The following MACF1 variants were observed in gnomAD, a reference collection of about 807,000 sequenced individuals.
The protein encoded by MACF1 is microtubule actin crosslinking factor 1.
In MACF1, 193 loss-of-function variants were observed where a neutral mutation model predicts 854.8. The observed-to-expected ratio is 0.23, with a 90% CI of 0.20 to 0.25. The LOEUF (loss-of-function observed/expected upper bound fraction) is 0.25, where lower values mean the gene tolerates loss of function less well. Ranked by LOEUF, MACF1 falls within the 10% of genes least tolerant of loss-of-function variation. MACF1 has a pLI of 1.00. For synonymous variants in MACF1, 3,185 were observed against 3,226.7 expected, an observed-to-expected ratio of 0.99 and a Z score of 0.44; for missense variants, 7,722 against 8,929.1, an observed-to-expected ratio of 0.86 and a Z score of 5.45.
In MACF1 at chr1:39,309,518, TGTG is replaced by T. The variant is rs1364469047; in HGVS notation, c.2790-50_2790-48del. Reference sequence around the variant, plus strand: ...ACATTTTTCCTTAGAAGGTCTCTAATGTGGAGCTGAAGTCTTACAAAGGTAATA... The same window carrying T: ...ACATTTTTCCTTAGAAGGTCTCTAATGAGCTGAAGTCTTACAAAGGTAATA... On this transcript the variant is annotated intron_variant, in intron 23 of 100. Coordinates refer to ENST00000564288, the MANE Select transcript of MACF1 (RefSeq NM_001394062.1). The T allele has an allele frequency of 2.2e-5, 36 of 1,607,636 alleles. No individual in the cohort carries two copies. In the Admixed American group the frequency reaches 2.4e-4, roughly 11 times the overall value.
At chr1:39,287,756 C>T (rs1170769656) in intron 15 of MACF1, 194 bp downstream of exon 15, 1 of 627,206 alleles carries the variant, frequency 1.6e-6, no homozygotes, top group Admixed American at 2.9e-5. Flanking sequence ...ATCCTCCTGC[C>T]TCAGTCTCTT....
At chr1:39,459,061 A>T in intron 90 of MACF1, 25 bp from the exon 91 acceptor site, 1 of 1,599,678 alleles carries the variant, frequency 6.3e-7, no homozygotes, top group Non-Finnish European at 8.5e-7. Flanking sequence ...AGCTGTTCTA[A>T]TCTTGTGATT....
chr1:39,454,965 G>T lies in MACF1; in HGVS notation c.20943G>T (p.Leu6981=). 1.9e-6 allele frequency: 3 copies of T among 1,614,154 alleles called. No homozygotes were observed. The highest frequency in any genetic ancestry group is 1.7e-6 in the Non-Finnish European group (2 of 1,180,028). Residue 6981 remains leucine, a synonymous_variant, in exon 89 of 101, where the codon CTG becomes CTT. Transcript: ENST00000564288. ...QQRLETALSE[L]VANAELLEEL... is the part of the protein sequence containing the mutation. ...GTCTTGAAACGGCCTTGTCAGAACT[G>T]GTGGCTAATGCTGAGCTCCTGGAAG...
chr1:39,310,720 A>G, intron 25 of MACF1, 111 bp from the exon 26 acceptor site: 1 of 1,086,846 alleles, frequency 9.2e-7, no homozygotes, highest in South Asian at 1.7e-5. Flanking sequence ...AGGATCAGGT[A>G]GGATTAGGCA....
chr1:39,326,356 A>G (rs187081829), intron 35 of MACF1, among the ~76,000 whole-genome samples: 95 of 152,322 alleles, frequency 6.2e-4, no homozygotes, highest in African/African-American at 2.1e-3. Flanking sequence ...AGTGGGCTTT[A>G]ATTATATCTG....
In MACF1 at chr1:39,372,604, C is replaced by T. The variant is rs775754418; in HGVS notation, c.13213+8C>T. The stretch of plus-strand genomic sequence containing the variant: ...ATTCCCAAGGCAAGACAGGTGAGTA[C>T]AGGCTCTTCAAAATATAGTGAATAA... On this transcript the variant is annotated splice_region_variant and intron_variant, in intron 52 of 100. Transcript: ENST00000564288. The T allele has an allele frequency of 3.2e-6, 5 of 1,559,668 alleles. No individual in the cohort carries two copies. Among genetic ancestry groups the T allele is most frequent in the Non-Finnish European group, 4.4e-6 (5 of 1,131,442 alleles).
intron 15 of MACF1, among the ~76,000 whole-genome samples, chr1:39,288,457 C>T (rs537651188): frequency 6.6e-6 from 1 of 150,492 alleles, no homozygotes; most frequent in African/African-American, 2.4e-5. Flanking sequence ...GAGATTGTGC[C>T]ACTGCACTCC....
chr1:39,374,716 G>A (rs1022852922), intron 52 of MACF1, among the ~76,000 whole-genome samples: 3 of 152,118 alleles, frequency 2.0e-5, no homozygotes, highest in Non-Finnish European at 4.4e-5. Flanking sequence ...CTGATGAGCT[G>A]TAGTTTACTG....
intron 2 of MACF1, among the ~76,000 whole-genome samples, chr1:39,131,151 CTTTTT>C (rs34762038): frequency 2.4e-5 from 1 of 42,348 alleles, no homozygotes; most frequent in East Asian, 9.8e-4. Flanking sequence ...TGCGCCCGGC[CTTTTT>C]TTTTTTTTTT....
At chr1:39,309,531 T>C in intron 23 of MACF1, 39 bp from the exon 24 acceptor site, 3 of 1,611,994 alleles carry the variant, frequency 1.9e-6, no homozygotes, top group Non-Finnish European at 2.5e-6. Context: ...GGAGCTGAAG[T>C]CTTACAAAGG....
chr1:39,285,768 A>G lies in MACF1; in HGVS notation c.1508+10A>G. On this transcript the variant is annotated intron_variant, in intron 14 of 100. Coordinates refer to ENST00000564288, the MANE Select transcript of MACF1 (RefSeq NM_001394062.1). ...AAGAGCTGGCTTTTAGGTGAGGAAC[A>G]AGGGACTCAAATGGAGGGCTTGCTT... is the stretch of plus-strand genomic sequence containing the variant. The G allele has an allele frequency of 8.7e-6, 14 of 1,613,112 alleles. No homozygotes were observed. Among genetic ancestry groups the G allele is most frequent in the Non-Finnish European group, 1.1e-5 (13 of 1,179,334 alleles).
intron 91 of MACF1, chr1:39,459,945 A>T (rs1008722732): frequency 2.0e-5 from 14 of 713,228 alleles, no homozygotes; most frequent in Non-Finnish European, 2.8e-5. Flanking sequence ...TTGAAAGACC[A>T]AGGGGAAACT....
At chr1:39,115,949 A>G (rs1022768377) in intron 2 of MACF1, among the ~76,000 whole-genome samples, 3 of 152,200 alleles carry the variant, frequency 2.0e-5, no homozygotes, top group Non-Finnish European at 4.4e-5. Context: ...CTACTGGAAC[A>G]TTTTCAGTGG....
intron 2 of MACF1, among the ~76,000 whole-genome samples, chr1:39,236,776 C>T (rs549380302): frequency 1.9e-4 from 29 of 152,262 alleles, no homozygotes; most frequent in African/African-American, 7.0e-4. Context: ...ACTCTCCTGC[C>T]TCAGCCTCCT....
intron 84 of MACF1, 118 bp from the exon 85 acceptor site, chr1:39,450,934 A>G: frequency 8.5e-7 from 1 of 1,171,350 alleles, no homozygotes; most frequent in South Asian, 1.5e-5. Context: ...TAACTGTTCT[A>G]ACATAGAAGT....
At chr1:39,327,098 G>T (rs79997261) in intron 35 of MACF1, 120 bp from the exon 36 acceptor site, 1 of 989,704 alleles carries the variant, frequency 1.0e-6, no homozygotes, top group Non-Finnish European at 1.4e-6. Flanking sequence ...CAAAGTCTCC[G>T]ATGAATATGG....
At chr1:39,155,038 T>C (rs1012990681) in intron 2 of MACF1, among the ~76,000 whole-genome samples, 4 of 152,148 alleles carry the variant, frequency 2.6e-5, no homozygotes, top group Non-Finnish European at 5.9e-5. Context: ...TGGGACCCAT[T>C]GGAGGATAAA....
chr1:39,443,369 C>T (rs1011284263), intron 78 of MACF1, 77 bp from the exon 79 acceptor site: 2 of 1,485,566 alleles, frequency 1.3e-6, no homozygotes, highest in Admixed American at 2.2e-5. Flanking sequence ...AGATAAACTC[C>T]TCATATCATT....
At chr1:39,484,331 A>AT (rs11366304) in intron 99 of MACF1, among the ~76,000 whole-genome samples, 226 of 149,228 alleles carry the variant, frequency 1.5e-3, no homozygotes, top group Middle Eastern at 6.9e-3. Flanking sequence ...CTTACTGAGG[A>AT]TTTTTTTTTT....
Sources: gnomAD v4.1 joint callset for allele counts (sites outside exome capture counted in the v4.1 genomes callset) on GRCh38, gnomAD v4.1.1 for gene constraint, MANE v1.5 for transcripts, NCBI Gene and HGNC (gene_info 2026-07-23, HGNC 2026-07-21) for gene names.